GCNT2: variants seen among roughly 807,000 people sequenced by gnomAD.
The protein encoded by GCNT2 is glucosaminyl (N-acetyl) transferase 2 (I blood group).
A neutral mutation model predicts 34.2 loss-of-function variants in GCNT2; 34 were observed. The observed-to-expected ratio is 1.00, with a 90% CI of 0.76 to 1.32. The LOEUF is 1.32. Among genes scored for constraint, GCNT2 ranks in the 40% most tolerant of loss-of-function variants. The probability of loss-of-function intolerance (pLI) is 0.00; values close to 1 mark genes in which losing one functional copy is unlikely to be tolerated. For missense variants in GCNT2, 584 were observed against 489.4 expected, an observed-to-expected ratio of 1.19 and a Z score of -1.82; for synonymous variants, 212 against 188.0, an observed-to-expected ratio of 1.13 and a Z score of -1.04.
intron 3 of GCNT2, among the ~76,000 whole-genome samples, chr6:10,555,182 G>A (rs80124042): frequency 0.012 from 1,792 of 152,218 alleles, 12 homozygotes; most frequent in Admixed American, 0.018. Flanking sequence ...AATAGTGAGG[G>A]GAAATGGGCA....
intron 3 of GCNT2, among the ~76,000 whole-genome samples, chr6:10,606,632 CCATTAAAGAAA>C (rs1451076679): frequency 1.6e-5 from 2 of 128,116 alleles, no homozygotes; most frequent in Non-Finnish European, 3.5e-5. Flanking sequence ...ATGGAAATTT[CCATTAAAGAAA>C]TTTAATGGAA....
Position 10,529,856 on chromosome 6 carries a change from T to G in GCNT2, c.925+20T>G, listed in dbSNP as rs773994459. The stretch of plus-strand genomic sequence containing the variant: ...TTCCCGGTATGTACGTCTCTTAACT[T>G]TTATTTTTACGAATAAACACTGCAT... On this transcript the variant is annotated intron_variant, in intron 3 of 4. Coordinates refer to ENST00000495262, the MANE Select transcript of GCNT2 (RefSeq NM_145649.5). 17 of 1,590,570 alleles carry G rather than the reference T, an allele frequency of 1.1e-5. No individual in the cohort carries two copies. The highest frequency in any genetic ancestry group is 3.3e-4 in the Middle Eastern group (2 of 6,038).
In GCNT2 at chr6:10,574,788, C is replaced by T. The variant is rs1011702599; in HGVS notation, c.925+44952C>T. On this transcript the variant is annotated intron_variant, in intron 3 of 4. Transcript: ENST00000495262. ...AGGGAAGAGGTTCCAGCAGCTCAGC[C>T]TCCTTCCCACTGGCTCTCATAAAGT... The T allele has an allele frequency of 6.5e-4, 392 of 605,674 alleles. 2 individuals carry two copies. Among genetic ancestry groups the T allele is most frequent in the African/African-American group, 6.2e-3 (336 of 54,316 alleles). The allele number at this position is 605,674 out of a possible 1,614,324, so 37.5% of individuals were successfully genotyped here.
intron 3 of GCNT2, among the ~76,000 whole-genome samples, chr6:10,602,667 G>A (rs755501830): frequency 7.2e-5 from 11 of 152,256 alleles, no homozygotes; most frequent in Non-Finnish European, 1.2e-4. Context: ...AACAAGAGTC[G>A]TAAGTGAGCA....
intron 1 of GCNT2, among the ~76,000 whole-genome samples, chr6:10,523,797 C>T (rs1311290511): frequency 1.3e-5 from 2 of 151,720 alleles, no homozygotes; most frequent in Non-Finnish European, 2.9e-5. Context: ...ACGGTGAAAC[C>T]CCGTCTCTAT....
chr6:10,617,255 C>A (rs1430720554), intron 3 of GCNT2, among the ~76,000 whole-genome samples: 1 of 152,146 alleles, frequency 6.6e-6, no homozygotes, highest in Non-Finnish European at 1.5e-5. Context: ...CAGCTGCTGG[C>A]GCAGGTGCTA....
chr6:10,577,810 G>T (rs1319837161), intron 3 of GCNT2, among the ~76,000 whole-genome samples: 1 of 152,136 alleles, frequency 6.6e-6, no homozygotes, highest in East Asian at 1.9e-4. Flanking sequence ...CAAAGTGCTG[G>T]AATTACAGGC....
intron 3 of GCNT2, chr6:10,581,733 G>A (rs532187530): frequency 5.1e-6 from 5 of 984,932 alleles, no homozygotes; most frequent in African/African-American, 3.5e-5. Flanking sequence ...GAGGCAAAGA[G>A]AAGGGAAAAA....
At chr6:10,559,179 A>G (rs1211904401) in intron 3 of GCNT2, among the ~76,000 whole-genome samples, 2 of 151,906 alleles carry the variant, frequency 1.3e-5, no homozygotes, top group Admixed American at 1.3e-4. Context: ...GTCAAATAAT[A>G]TAAGAAAATC....
At chr6:10,544,994 G>A (rs1762208994) in intron 3 of GCNT2, among the ~76,000 whole-genome samples, 2 of 151,126 alleles carry the variant, frequency 1.3e-5, no homozygotes, top group Non-Finnish European at 2.9e-5. Flanking sequence ...GGTGGTCAGA[G>A]AGCTGCTGGG....
chr6:10,594,564 T>C (rs1764769195), intron 3 of GCNT2, among the ~76,000 whole-genome samples: 1 of 152,202 alleles, frequency 6.6e-6, no homozygotes, highest in South Asian at 2.1e-4. Flanking sequence ...TGATGGCTAC[T>C]TAGTAAGGCT....
intron 3 of GCNT2, among the ~76,000 whole-genome samples, chr6:10,577,539 T>A (rs376636082): frequency 6.6e-6 from 1 of 152,150 alleles, no homozygotes; most frequent in Non-Finnish European, 1.5e-5. Context: ...GTTTATTTTT[T>A]ATTTTATTTT....
Position 10,538,843 on chromosome 6 carries a change from C to G in GCNT2, c.925+9007C>G, listed in dbSNP as rs148168915. Among the ~76,000 whole-genome samples, 604 of 152,216 alleles carry G rather than the reference C, an allele frequency of 4.0e-3. 10 individuals carry two copies. Among genetic ancestry groups the G allele is most frequent in the East Asian group, 0.035 (182 of 5,192 alleles). On this transcript the variant is annotated intron_variant, in intron 3 of 4. Coordinates refer to ENST00000495262, the MANE Select transcript of GCNT2 (RefSeq NM_145649.5). ...CAGAGGAATAACCAGAGACATGACC[C>G]TGTTTTAATATTCTGTTGCTCCTTT... is the stretch of plus-strand genomic sequence containing the variant.
chr6:10,557,067 C>T, intron 3 of GCNT2: 1 of 1,602,950 alleles, frequency 6.2e-7, no homozygotes, highest in African/African-American at 1.3e-5. Context: ...AATATCACCC[C>T]AGGGGTGCTG....
chr6:10,537,877 TAA>T (rs1052730604), intron 3 of GCNT2, among the ~76,000 whole-genome samples: 3 of 152,022 alleles, frequency 2.0e-5, no homozygotes, highest in Non-Finnish European at 4.4e-5. Flanking sequence ...TATTTTATAA[TAA>T]AGTGGTGTCT....
intron 3 of GCNT2, among the ~76,000 whole-genome samples, chr6:10,613,938 G>A (rs573266653): frequency 3.1e-4 from 47 of 152,160 alleles, no homozygotes; most frequent in Admixed American, 4.6e-4. Flanking sequence ...TGCTCAGCCT[G>A]GGATCAGTCT....
chr6:10,596,517 T>C (rs912568895), intron 3 of GCNT2, among the ~76,000 whole-genome samples: 5 of 146,364 alleles, frequency 3.4e-5, no homozygotes, highest in African/African-American at 1.2e-4. Context: ...TGAGACTCCA[T>C]CTCAAAAAAA....
At chr6:10,536,714 T>C (rs975230134) in intron 3 of GCNT2, among the ~76,000 whole-genome samples, 1 of 150,648 alleles carries the variant, frequency 6.6e-6, no homozygotes, top group Non-Finnish European at 1.5e-5. Context: ...TCCTTTTTTT[T>C]TTTTTTTGAG....
Position 10,529,388 on chromosome 6 carries a change from T to G in GCNT2, c.477T>G (p.Val159=). ...TTCTGGCTTCCAAGAAGGAGTCGGT[T>G]GTCTATGGGGGGATCTCCAGGCTCC... ...NAFLASKKES[V]VYGGISRLQA... The change falls in exon 3 of 5, where the codon GTT becomes GTG. Residue 159 remains valine (V), a synonymous_variant. Coordinates refer to ENST00000495262, the MANE Select transcript of GCNT2 (RefSeq NM_145649.5). The G allele has an allele frequency of 6.2e-7, 1 of 1,614,054 alleles. No homozygotes were observed. Among genetic ancestry groups the G allele is most frequent in the Non-Finnish European group, 8.5e-7 (1 of 1,179,972 alleles).
Sources: gnomAD v4.1 joint callset for allele counts (sites outside exome capture counted in the v4.1 genomes callset) on GRCh38, gnomAD v4.1.1 for gene constraint, MANE v1.5 for transcripts, NCBI Gene and HGNC (gene_info 2026-07-23, HGNC 2026-07-21) for gene names.